FCHSD2: variants seen among roughly 807,000 people sequenced by gnomAD.
The protein encoded by FCHSD2 is F-BAR and double SH3 domains protein 2.
In FCHSD2, 38 loss-of-function variants were observed where a neutral mutation model predicts 108.1. The observed-to-expected ratio is 0.35, with a 90% CI of 0.27 to 0.46. The LOEUF (loss-of-function observed/expected upper bound fraction) is 0.46. FCHSD2 is among the 20% of genes least tolerant of loss of function. The probability of loss-of-function intolerance (pLI) is 1.00; values close to 1 mark genes in which losing one functional copy is unlikely to be tolerated. For synonymous variants in FCHSD2, 279 were observed against 314.7 expected (o/e 0.89, Z 1.20); for missense variants, 751 against 897.8 (o/e 0.84, Z 2.09).
chr11:73,108,881 T>G (rs569412648), intron 2 of FCHSD2, among the ~76,000 whole-genome samples: 35 of 152,316 alleles, frequency 2.3e-4, no homozygotes, highest in South Asian at 1.4e-3. Flanking sequence ...TAGATTTAAG[T>G]TTTTAACACA....
chr11:73,054,272 C>T (rs1728810951), intron 3 of FCHSD2, among the ~76,000 whole-genome samples: 1 of 151,762 alleles, frequency 6.6e-6, no homozygotes, highest in African/African-American at 2.4e-5. Context: ...TTGAACATAA[C>T]CCACTGGAAT....
chr11:72,973,561 A>G lies in FCHSD2; in HGVS notation c.705+10527T>C, dbSNP rs72981532. ...ACAGGGCATGATACTATCTAAGACA[A>G]CACTATCTATTGTCAGAGTGGTAGT... On this transcript the variant is annotated intron_variant, in intron 8 of 19. Transcript: ENST00000409418. 6.9e-3 allele frequency among the ~76,000 whole-genome samples: 1,058 copies of G among 152,350 alleles called. 8 individuals are homozygous for G. The highest frequency in any genetic ancestry group is 0.024 in the African/African-American group (1,003 of 41,568).
intron 7 of FCHSD2, 25 bp from the exon 8 acceptor site, chr11:72,984,241 T>C (rs779266280): frequency 6.2e-7 from 1 of 1,612,568 alleles, no homozygotes; most frequent in Non-Finnish European, 8.5e-7. Flanking sequence ...AATAAAATAA[T>C]CAGTGCAAAC....
chr11:73,033,389 G>C (rs1442755013), intron 3 of FCHSD2, among the ~76,000 whole-genome samples: 3 of 152,006 alleles, frequency 2.0e-5, no homozygotes, highest in African/African-American at 7.3e-5. Flanking sequence ...GAGGCAAAGA[G>C]ATGTAAATGG....
At position 72,879,500 on chromosome 11, in the gene FCHSD2, T is replaced by C. The variant is rs149924832; in HGVS notation, c.1146+7970A>G. ...GAATGAGTAGACAAGAACTTTAAAA[T>C]TGCTGTTATAAATATACTTAGAGGT... On this transcript the variant is annotated intron_variant, in intron 12 of 19. Coordinates refer to ENST00000409418, the MANE Select transcript of FCHSD2 (RefSeq NM_014824.3). 3.7e-3 allele frequency among the ~76,000 whole-genome samples: 556 copies of C among 152,194 alleles called. 1 individual carries two copies. The highest frequency in any genetic ancestry group is 0.012 in the East Asian group (63 of 5,182).
At chr11:73,028,399 T>C (rs112742843) in intron 3 of FCHSD2, among the ~76,000 whole-genome samples, 1 of 152,334 alleles carries the variant, frequency 6.6e-6, no homozygotes, top group Non-Finnish European at 1.5e-5. Flanking sequence ...TGTAGCCCCA[T>C]TGTTTTGGCC....
At chr11:72,938,147 T>C (rs1016589092) in intron 8 of FCHSD2, among the ~76,000 whole-genome samples, 1 of 150,892 alleles carries the variant, frequency 6.6e-6, no homozygotes. Flanking sequence ...AAGGTAAGAC[T>C]GGGGCAGTAT....
chr11:72,873,884 T>C (rs1220488453), intron 12 of FCHSD2, among the ~76,000 whole-genome samples: 1 of 152,102 alleles, frequency 6.6e-6, no homozygotes. Flanking sequence ...GCTTAACCAA[T>C]CAAAAACTGC....
intron 8 of FCHSD2, among the ~76,000 whole-genome samples, chr11:72,964,908 G>T (rs917862377): frequency 1.3e-5 from 2 of 151,092 alleles, no homozygotes; most frequent in African/African-American, 4.9e-5. Context: ...TCCTGCCTCA[G>T]CCTCCCGAGT....
intron 12 of FCHSD2, among the ~76,000 whole-genome samples, chr11:72,875,117 G>T (rs1054063062): frequency 2.5e-4 from 38 of 152,016 alleles, no homozygotes; most frequent in African/African-American, 8.7e-4. Flanking sequence ...TAATTCATTT[G>T]CCTTTAACAT....
At chr11:72,964,022 A>G (rs2135376353) in intron 8 of FCHSD2, among the ~76,000 whole-genome samples, 1 of 152,348 alleles carries the variant, frequency 6.6e-6, no homozygotes, top group African/African-American at 2.4e-5. Flanking sequence ...ATCCATTTCA[A>G]TGACTTAACT....
intron 13 of FCHSD2, among the ~76,000 whole-genome samples, chr11:72,863,303 G>C (rs1298408096): frequency 6.6e-6 from 1 of 151,968 alleles, no homozygotes; most frequent in Non-Finnish European, 1.5e-5. Flanking sequence ...GTTCAAAAAA[G>C]GGACAAAGAA....
chr11:72,928,146 G>A (rs985328033), intron 8 of FCHSD2, among the ~76,000 whole-genome samples: 1 of 151,744 alleles, frequency 6.6e-6, no homozygotes, highest in African/African-American at 2.4e-5. Context: ...TAATGAGTAC[G>A]TGGGGGTCAT....
rs1860095700 is a variant in FCHSD2 at position 73,096,987 on chromosome 11, A to AATTTTTTTT, written c.120-13248_120-13247insAAAAAAAAT. Reference sequence around the variant, plus strand: ...CTAATGTGATGTATTTCATTGATGGATTTTTTTTTTTTTTTTTTTTTTTTT... The same window carrying AATTTTTTTT: ...CTAATGTGATGTATTTCATTGATGGAATTTTTTTTTTTTTTTTTTTTTTTTTTTTTTTTT... On this transcript the variant is annotated intron_variant, in intron 2 of 19. Transcript: ENST00000409418. Among the ~76,000 whole-genome samples, 186 of 27,088 alleles carry AATTTTTTTT rather than the reference A, an allele frequency of 6.9e-3. 9 individuals are homozygous for AATTTTTTTT. The highest frequency in any genetic ancestry group is 0.036 in the African/African-American group (184 of 5,106). The allele number at this position is 27,088 out of a possible 152,430, so 17.8% of individuals were successfully genotyped here. A position where few individuals can be genotyped will look rare whatever the true frequency, so the allele number is the denominator to read the frequency against.
intron 13 of FCHSD2, among the ~76,000 whole-genome samples, chr11:72,852,168 A>G (rs1357699246): frequency 6.6e-6 from 1 of 152,002 alleles, no homozygotes; most frequent in African/African-American, 2.4e-5. Flanking sequence ...AGATTATAGG[A>G]GTGAGCCATC....
intron 3 of FCHSD2, among the ~76,000 whole-genome samples, chr11:73,041,059 T>G (rs1858624796): frequency 6.6e-6 from 1 of 152,172 alleles, no homozygotes; most frequent in East Asian, 1.9e-4. Context: ...ATGACAGAAT[T>G]TCATTCTTTT....
intron 3 of FCHSD2, among the ~76,000 whole-genome samples, chr11:73,017,034 G>A (rs530209355): frequency 1.2e-4 from 19 of 152,292 alleles, no homozygotes; most frequent in African/African-American, 4.6e-4. Flanking sequence ...CCAGGCTGGA[G>A]TGCAGTGGCG....
rs554815346 is a variant in FCHSD2, at chr11:72,958,290, G to A, written c.705+25798C>T. 1.3e-3 allele frequency among the ~76,000 whole-genome samples: 200 copies of A among 152,310 alleles called. 1 individual carries two copies. Among genetic ancestry groups the A allele is most frequent in the African/African-American group, 4.6e-3 (193 of 41,548 alleles). ...CCTAGCACTTTGGAAGGCTGAGGCA[G>A]GCGGATCACTTGAGGTCAGGAGTTT... On this transcript the variant is annotated intron_variant, in intron 8 of 19. Transcript: ENST00000409418.
intron 3 of FCHSD2, among the ~76,000 whole-genome samples, chr11:73,058,982 T>C (rs982369468): frequency 3.9e-5 from 6 of 152,212 alleles, no homozygotes; most frequent in Non-Finnish European, 8.8e-5. Flanking sequence ...CTAGCCTCTA[T>C]AACATAAGGT....
Sources: allele counts gnomAD v4.1 joint callset (sites outside exome capture counted in the v4.1 genomes callset), GRCh38; gene constraint gnomAD v4.1.1; transcripts MANE v1.5; gene names NCBI Gene and HGNC (gene_info 2026-07-23, HGNC 2026-07-21).